DNMT3A: variants seen among roughly 807,000 people sequenced by gnomAD.
DNMT3A encodes DNA methyltransferase 3 alpha.
Under a neutral mutation model 117.6 loss-of-function variants are expected in DNMT3A, and 267 were observed. That is an observed-to-expected ratio of 2.27 (90% CI 2.05 to 2.51). The LOEUF (loss-of-function observed/expected upper bound fraction) is 2.51, where lower values mean the gene tolerates loss of function less well. DNMT3A is among the 30% of genes most tolerant of loss of function. The pLI, the probability that DNMT3A is intolerant of heterozygous loss-of-function variation, is 0.00. For synonymous variants in DNMT3A, 432 were observed against 474.8 expected (o/e 0.91, Z 1.17); for missense variants, 1,029 against 1,260.2 (o/e 0.82, Z 2.78).
chr2:25,281,427 T>C lies in DNMT3A; in HGVS notation c.448+1014A>G, dbSNP rs963181651. ...GGGAGCATCATACATATTTGTCGAA[T>C]AATAAATGAATAAAAGCTTCTTAAT... On this transcript the variant is annotated intron_variant, in intron 4 of 22. Coordinates refer to ENST00000321117, the MANE Select transcript of DNMT3A (RefSeq NM_022552.5). This position sits in a 1 kb window ranked among gnomAD's most constrained non-coding sequence, Gnocchi z 4.8. 3.9e-6 allele frequency: 4 copies of C among 1,033,588 alleles called. No individual in the cohort carries two copies. The highest frequency in any genetic ancestry group is 4.7e-6 in the Non-Finnish European group (4 of 859,022). 64.0% of individuals were successfully genotyped at this position (1,033,588 alleles called of 1,614,324 possible).
intron 6 of DNMT3A, among the ~76,000 whole-genome samples, chr2:25,259,301 A>G (rs1676413798): frequency 6.6e-6 from 1 of 152,210 alleles, no homozygotes; most frequent in Non-Finnish European, 1.5e-5. Context: ...CAGAGATGCC[A>G]GGGCAGGGGT....
chr2:25,302,343 C>G (rs762644665), intron 2 of DNMT3A, among the ~76,000 whole-genome samples: 3 of 152,134 alleles, frequency 2.0e-5, no homozygotes, highest in Non-Finnish European at 4.4e-5. Flanking sequence ...GGCTGACCTT[C>G]AAGAGCACTG....
At chr2:25,319,107 C>T (rs528141892) in intron 1 of DNMT3A, among the ~76,000 whole-genome samples, 16 of 146,766 alleles carry the variant, frequency 1.1e-4, no homozygotes, top group African/African-American at 3.3e-4. Context: ...CTCCACCTCC[C>T]GGGTTCATGC....
intron 6 of DNMT3A, among the ~76,000 whole-genome samples, chr2:25,262,707 C>G (rs560151572): frequency 6.6e-6 from 1 of 152,334 alleles, no homozygotes; most frequent in South Asian, 2.1e-4. Context: ...AACTATGTGT[C>G]CAATTCTCTT....
chr2:25,278,286 G>A (rs1469046820), intron 4 of DNMT3A, among the ~76,000 whole-genome samples: 1 of 152,180 alleles, frequency 6.6e-6, no homozygotes, highest in Non-Finnish European at 1.5e-5. Flanking sequence ...ACTCGCCTTC[G>A]AGTCTGAGCT....
intron 4 of DNMT3A, among the ~76,000 whole-genome samples, chr2:25,276,811 G>T (rs915020077): frequency 6.6e-6 from 1 of 152,200 alleles, no homozygotes; most frequent in South Asian, 2.1e-4. Context: ...AGCTTGGGGT[G>T]GGGGGAGACA....
intron 13 of DNMT3A, 90 bp from the exon 14 acceptor site, chr2:25,244,742 C>T (rs1674537380): frequency 2.7e-6 from 3 of 1,125,074 alleles, no homozygotes; most frequent in Non-Finnish European, 4.0e-6. Flanking sequence ...CCTCACAGAG[C>T]CTAAGCCCTG....
intron 3 of DNMT3A, among the ~76,000 whole-genome samples, chr2:25,297,358 T>C (rs974701767): frequency 1.3e-5 from 2 of 152,072 alleles, no homozygotes; most frequent in South Asian, 4.2e-4. Flanking sequence ...CTAGAACACA[T>C]CCAGACCACG....
At chr2:25,270,711 G>A (rs988462304) in intron 6 of DNMT3A, among the ~76,000 whole-genome samples, 3 of 152,144 alleles carry the variant, frequency 2.0e-5, no homozygotes, top group African/African-American at 4.8e-5. Flanking sequence ...AGAGGTTGCC[G>A]CTTGAGATCA....
intron 6 of DNMT3A, among the ~76,000 whole-genome samples, chr2:25,262,451 C>G (rs1038918887): frequency 1.1e-4 from 17 of 152,140 alleles, no homozygotes; most frequent in African/African-American, 4.1e-4. Flanking sequence ...ATCATCCTGC[C>G]TCAAACCTGC....
intron 6 of DNMT3A, among the ~76,000 whole-genome samples, chr2:25,271,506 C>T (rs1370175924): frequency 1.3e-5 from 2 of 152,238 alleles, no homozygotes; most frequent in African/African-American, 2.4e-5. Context: ...CAGGAGGAGA[C>T]TGTGTGACAG....
chr2:25,301,563 C>A (rs942743915), intron 2 of DNMT3A, among the ~76,000 whole-genome samples: 12 of 152,164 alleles, frequency 7.9e-5, no homozygotes, highest in African/African-American at 2.7e-4. Flanking sequence ...ATGCTTGTCT[C>A]CTGGGGCACA....
intron 1 of DNMT3A, among the ~76,000 whole-genome samples, chr2:25,320,462 T>C (rs933319182): frequency 6.6e-6 from 1 of 152,146 alleles, no homozygotes; most frequent in Non-Finnish European, 1.5e-5. Context: ...TATTGAAACA[T>C]CACATTGTAC....
At position 25,247,657 on chromosome 2, in the gene DNMT3A, C is replaced by G. The variant is rs778681446; in HGVS notation, c.948G>C (p.Thr316=). ...TGCCTTCAGCTGCTCGGCTCCGGCC[C>G]GTCATCCACCAAGACACAATGCGGC... ...WPGRIVSWWM[T]GRSRAAEGTR... Residue 316 remains threonine (T), a synonymous_variant, in exon 8 of 23, where the codon ACG becomes ACC. Coordinates refer to ENST00000321117, the MANE Select transcript of DNMT3A (RefSeq NM_022552.5). This position sits in a 1 kb window ranked among gnomAD's most constrained non-coding sequence, Gnocchi z 5.6. The G allele has an allele frequency of 1.4e-5, 23 of 1,614,074 alleles. No individual in the cohort carries two copies. The highest frequency in any genetic ancestry group is 1.3e-4 in the Admixed American group (8 of 60,020).
chr2:25,325,636 G>A (rs2034758185), intron 1 of DNMT3A, among the ~76,000 whole-genome samples: 1 of 152,142 alleles, frequency 6.6e-6, no homozygotes, highest in Non-Finnish European at 1.5e-5. Flanking sequence ...GCTTTCCCTG[G>A]GAGAGAAGAC....
At chr2:25,340,308 A>C (rs1418393697) in intron 1 of DNMT3A, among the ~76,000 whole-genome samples, 1 of 152,130 alleles carries the variant, frequency 6.6e-6, no homozygotes, top group Non-Finnish European at 1.5e-5. Context: ...CTGGCCGTGC[A>C]GCGGAGAGAG....
chr2:25,322,394 A>ATGAT (rs2034629300), intron 1 of DNMT3A, among the ~76,000 whole-genome samples: 1 of 151,826 alleles, frequency 6.6e-6, no homozygotes, highest in Admixed American at 6.6e-5. Flanking sequence ...AACCATCATC[A>ATGAT]GCTCCTCACA....
At position 25,311,517 on chromosome 2, in the gene DNMT3A, T is replaced by A. The variant is rs2149425023; in HGVS notation, c.72+2396A>T. ...AGGCCTGGCTATGGCCCAGCCCTTATCTATCCAGATCACTGCCATCTTTTG... is the reference window on the plus strand; with the variant it reads ...AGGCCTGGCTATGGCCCAGCCCTTAACTATCCAGATCACTGCCATCTTTTG... On this transcript the variant is annotated intron_variant, in intron 2 of 22. Transcript: ENST00000321117. The surrounding 1 kb of genome is among the most constrained non-coding windows in gnomAD (Gnocchi z 5.2). Among the ~76,000 whole-genome samples the A allele has an allele frequency of 6.6e-6, 1 of 152,338 alleles. No individual in the cohort carries two copies. Among genetic ancestry groups the A allele is most frequent in the East Asian group, 1.9e-4 (1 of 5,180 alleles).
Position 25,252,177 on chromosome 2 carries a change from T to C in DNMT3A, c.640-3925A>G, listed in dbSNP as rs2149326107. 1 of 1,562,662 alleles carries C rather than the reference T, an allele frequency of 6.4e-7. No homozygotes were observed. Among genetic ancestry groups the C allele is most frequent in the Non-Finnish European group, 8.7e-7 (1 of 1,155,578 alleles). On this transcript the variant is annotated intron_variant, in intron 6 of 22. Coordinates refer to ENST00000321117, the MANE Select transcript of DNMT3A (RefSeq NM_022552.5). The surrounding 1 kb of genome is among the most constrained non-coding windows in gnomAD (Gnocchi z 5.5). ...TCCCCGCCCCCGGTCTCCCCGGGGC[T>C]CCGTCCAGGAACCTACCCATAAGGC...
Sources: gnomAD v4.1 joint callset for allele counts (sites outside exome capture counted in the v4.1 genomes callset) on GRCh38, gnomAD v4.1.1 for gene constraint, Gnocchi (gnomAD v3.1) non-coding constraint, MANE v1.5 for transcripts, NCBI Gene and HGNC (gene_info 2026-07-23, HGNC 2026-07-21) for gene names.